RGSL1: variants seen among roughly 807,000 people sequenced by gnomAD.
The protein encoded by RGSL1 is regulator of G protein signaling like 1.
RGSL1 carries 97 observed loss-of-function variants against 124.7 expected under a neutral mutation model. The ratio of observed to expected loss-of-function variants is 0.78; its 90% CI spans 0.66 to 0.92. The LOEUF (loss-of-function observed/expected upper bound fraction) is 0.92. RGSL1 is among the 40% of genes least tolerant of loss of function. The probability of loss-of-function intolerance (pLI) is 0.00; values close to 1 mark genes in which losing one functional copy is unlikely to be tolerated. For missense variants in RGSL1, 1,233 were observed against 1,288.4 expected (o/e 0.96, Z 0.66); for synonymous variants, 424 against 438.1 (o/e 0.97, Z 0.40).
Position 182,474,426 on chromosome 1 carries a change from G to A in RGSL1, c.1315G>A (p.Glu439Lys), listed in dbSNP as rs1571516375. The A allele has an allele frequency of 3.2e-6, 5 of 1,552,048 alleles. No individual in the cohort carries two copies. Among genetic ancestry groups the A allele is most frequent in the East Asian group, 2.4e-5 (1 of 40,920 alleles). Residue 439 changes from glutamate (E) to lysine (K), a missense_variant, in exon 6 of 22, where the codon GAG becomes AAG. Glu to Lys is a moderately conservative substitution (Grantham distance 56). Coordinates refer to ENST00000294854, the MANE Select transcript of RGSL1 (RefSeq NM_001137669.2). ...GDRICELYLN[E>K]QIGPCLPLKS... Reference sequence around the variant, plus strand: ...CAGAATCTGCGAGCTCTACCTGAATGAGCAGATTGGTCCGTGCTTACCACT... The same window carrying A: ...CAGAATCTGCGAGCTCTACCTGAATAAGCAGATTGGTCCGTGCTTACCACT...
intron 6 of RGSL1, 66 bp downstream of exon 6, chr1:182,474,608 A>T: frequency 1.4e-6 from 2 of 1,467,964 alleles, no homozygotes; most frequent in African/African-American, 2.8e-5. Context: ...TAAAAATCCC[A>T]TCTGGTCACC....
At chr1:182,449,059 T>G (rs1651638748), upstream of RGSL1, among the ~76,000 whole-genome samples, 1 of 152,210 alleles carries the variant, frequency 6.6e-6, no homozygotes, top group Non-Finnish European at 1.5e-5. Flanking sequence ...AATATGATAT[T>G]GTAGAATCAT....
chr1:182,459,994 T>C lies in RGSL1; in HGVS notation c.172-10T>C, dbSNP rs750401741. The C allele has an allele frequency of 6.5e-6, 10 of 1,547,022 alleles. No homozygotes were observed. In the African/African-American group the frequency reaches 9.6e-5, roughly 15 times the overall value. ...TTAGCATTTTTGTTTCTATTTTGCT[T>C]TGACTCTAGATTGCCAAATACAAAG... On this transcript the variant is annotated splice_polypyrimidine_tract_variant and intron_variant, in intron 3 of 21. Coordinates refer to ENST00000294854, the MANE Select transcript of RGSL1 (RefSeq NM_001137669.2).
chr1:182,466,373 C>T (rs1037567386), intron 4 of RGSL1, among the ~76,000 whole-genome samples: 11 of 152,044 alleles, frequency 7.2e-5, no homozygotes, highest in Non-Finnish European at 1.2e-4. Flanking sequence ...AGAAAGAGGT[C>T]AAATGATCTT....
At chr1:182,533,625 G>A (rs1022278860) in intron 14 of RGSL1, among the ~76,000 whole-genome samples, 1 of 152,132 alleles carries the variant, frequency 6.6e-6, no homozygotes, top group Non-Finnish European at 1.5e-5. Flanking sequence ...CCTAGTTGAA[G>A]GACCTTGGGA....
At position 182,473,687 on chromosome 1, in the gene RGSL1, C is replaced by T; in HGVS notation, c.576C>T (p.Pro192=). ...TCAAACTCCAGAGCTATTGGCTTCC[C>T]AACTTTTACACCCACACCAAGATGA... The part of the protein sequence containing the change: ...ALFKLQSYWL[P]NFYTHTKMTM... Residue 192 remains proline, a synonymous_variant, in exon 6 of 22, where the codon CCC becomes CCT. Coordinates refer to ENST00000294854, the MANE Select transcript of RGSL1 (RefSeq NM_001137669.2). The T allele has an allele frequency of 6.4e-7, 1 of 1,551,628 alleles. No individual in the cohort carries two copies. The highest frequency in any genetic ancestry group is 1.4e-5 in the African/African-American group (1 of 73,156).
At chr1:182,487,881 A>G (rs946956398) in intron 6 of RGSL1, among the ~76,000 whole-genome samples, 3 of 152,244 alleles carry the variant, frequency 2.0e-5, no homozygotes, top group African/African-American at 7.2e-5. Flanking sequence ...AATGTTATTC[A>G]CAAAAGGGTA....
intron 6 of RGSL1, among the ~76,000 whole-genome samples, chr1:182,483,035 A>G (rs1654828622): frequency 6.6e-6 from 1 of 152,364 alleles, no homozygotes; most frequent in South Asian, 2.1e-4. Context: ...CAAATACTGC[A>G]TAATCTCACT....
chr1:182,513,576 A>G (rs924865119), intron 9 of RGSL1, among the ~76,000 whole-genome samples: 1 of 152,196 alleles, frequency 6.6e-6, no homozygotes, highest in Admixed American at 6.5e-5. Flanking sequence ...CCACATCGGT[A>G]GTAGTTAACA....
intron 4 of RGSL1, among the ~76,000 whole-genome samples, chr1:182,467,348 T>C (rs1370656814): frequency 6.6e-6 from 1 of 152,142 alleles, no homozygotes; most frequent in Admixed American, 6.5e-5. Context: ...GGAGGCATCA[T>C]GTTATCTGAC....
intron 9 of RGSL1, among the ~76,000 whole-genome samples, chr1:182,519,252 AT>A (rs11344059): frequency 0.86 from 131,471 of 152,114 alleles, 57,142 homozygotes; most frequent in Non-Finnish European, 0.89. Flanking sequence ...CCATCTGGAA[AT>A]TTTTTTTATG....
In RGSL1 at chr1:182,526,372, T is replaced by G. The variant is rs140072332; in HGVS notation, c.1932-1207T>G. Among the ~76,000 whole-genome samples the G allele has an allele frequency of 2.2e-4, 33 of 152,068 alleles. No individual in the cohort carries two copies. The East Asian group carries it at 6.0e-3, about 28-fold the overall frequency. On this transcript the variant is annotated intron_variant, in intron 10 of 21. Transcript: ENST00000294854. ...TTAGCAAATCAAATCCAGCAATATATAAAAAAGATCAGTGGCCAGGCATGG... is the reference window on the plus strand; with the variant it reads ...TTAGCAAATCAAATCCAGCAATATAGAAAAAAGATCAGTGGCCAGGCATGG...
chr1:182,556,649 T>C (rs184094211), intron 21 of RGSL1, among the ~76,000 whole-genome samples: 1 of 152,348 alleles, frequency 6.6e-6, no homozygotes, highest in African/African-American at 2.4e-5. Flanking sequence ...TTTTTTGTCC[T>C]GTTCTTGTTC....
chr1:182,482,934 C>A (rs548960366), intron 6 of RGSL1, among the ~76,000 whole-genome samples: 37 of 152,252 alleles, frequency 2.4e-4, no homozygotes, highest in African/African-American at 8.9e-4. Context: ...ATTATTCAGT[C>A]TTTAAAAGGA....
intron 17 of RGSL1, 197 bp downstream of exon 17, chr1:182,549,021 G>A: frequency 6.6e-6 from 4 of 608,782 alleles, no homozygotes; most frequent in Non-Finnish European, 1.1e-5. Flanking sequence ...CAGATGGAAG[G>A]CAGAGTAAGA....
chr1:182,493,999 T>C (rs1262757317), intron 9 of RGSL1, among the ~76,000 whole-genome samples: 1 of 152,162 alleles, frequency 6.6e-6, no homozygotes, highest in Admixed American at 6.5e-5. Context: ...ATTGCTAATA[T>C]TCCTCTTCTT....
intron 16 of RGSL1, 75 bp from the exon 17 acceptor site, chr1:182,548,625 G>T: frequency 6.5e-7 from 1 of 1,536,046 alleles, no homozygotes; most frequent in Non-Finnish European, 8.8e-7. Context: ...TGGTCATGGG[G>T]TTCTGGGGGC....
intron 4 of RGSL1, among the ~76,000 whole-genome samples, chr1:182,467,048 C>A (rs1653394644): frequency 6.6e-6 from 1 of 152,082 alleles, no homozygotes; most frequent in African/African-American, 2.4e-5. Context: ...ACCTAGGAAT[C>A]CAACTTACAA....
At chr1:182,457,119 C>G (rs577435256) in intron 2 of RGSL1, among the ~76,000 whole-genome samples, 1 of 152,110 alleles carries the variant, frequency 6.6e-6, no homozygotes, top group African/African-American at 2.4e-5. Context: ...TGCACTCCAG[C>G]CCAGGTGACA....
Sources: gnomAD v4.1 joint callset for allele counts (sites outside exome capture counted in the v4.1 genomes callset) on GRCh38, gnomAD v4.1.1 for gene constraint, MANE v1.5 for transcripts, NCBI Gene and HGNC (gene_info 2026-07-23, HGNC 2026-07-21) for gene names.